Variants in FBXL13 observed in about 807,000 individuals in gnomAD.
FBXL13 encodes F-box and leucine rich repeat protein 13, also known as F-box and leucine-rich repeat protein 13.
In FBXL13, 67 loss-of-function variants were observed where a neutral mutation model predicts 83.6. The ratio of observed to expected loss-of-function variants is 0.80; its 90% CI spans 0.66 to 0.98. The LOEUF (loss-of-function observed/expected upper bound fraction) is 0.98, where lower values mean the gene tolerates loss of function less well. Ranked by LOEUF, FBXL13 falls within the 50% of genes least tolerant of loss-of-function variation. The pLI, the probability that FBXL13 is intolerant of heterozygous loss-of-function variation, is 0.00. For synonymous variants in FBXL13, 272 were observed against 299.5 expected (o/e 0.91, Z 0.95); for missense variants, 822 against 866.5 (o/e 0.95, Z 0.64).
intron 17 of FBXL13, among the ~76,000 whole-genome samples, chr7:102,845,914 T>C (rs181875140): frequency 1.3e-5 from 2 of 152,238 alleles, no homozygotes; most frequent in Non-Finnish European, 2.9e-5. Flanking sequence ...ATCACAGCAT[T>C]ATGACTAAAA....
chr7:102,926,664 G>A (rs1356504359), intron 9 of FBXL13, among the ~76,000 whole-genome samples: 2 of 152,068 alleles, frequency 1.3e-5, no homozygotes, highest in African/African-American at 4.8e-5. Flanking sequence ...TCTGTCACAC[G>A]AAATTTGAGC....
intron 17 of FBXL13, among the ~76,000 whole-genome samples, chr7:102,844,419 A>G (rs1803568972): frequency 6.6e-6 from 1 of 152,212 alleles, no homozygotes; most frequent in South Asian, 2.1e-4. Context: ...ACTTGTAGGT[A>G]GAGTAAAAAC....
chr7:102,826,753 A>ATATATATATATG (rs1562911368), intron 18 of FBXL13, among the ~76,000 whole-genome samples: 51 of 112,248 alleles, frequency 4.5e-4, no homozygotes, highest in South Asian at 1.6e-3. Flanking sequence ...ATATATATAT[A>ATATATATATATG]TATATATATA....
At chr7:102,922,043 A>G (rs1473536296) in intron 10 of FBXL13, among the ~76,000 whole-genome samples, 1 of 152,120 alleles carries the variant, frequency 6.6e-6, no homozygotes, top group Non-Finnish European at 1.5e-5. Context: ...TTCAAAAATC[A>G]GCAGAGTGTG....
At chr7:102,974,049 C>A (rs1012959654) in intron 6 of FBXL13, among the ~76,000 whole-genome samples, 1 of 152,162 alleles carries the variant, frequency 6.6e-6, no homozygotes, top group African/African-American at 2.4e-5. Flanking sequence ...ATGGGAAACT[C>A]CCCATCCTCA....
At chr7:102,931,774 C>T in intron 9 of FBXL13, 107 bp downstream of exon 10, 1 of 1,040,328 alleles carries the variant, frequency 9.6e-7, no homozygotes. Context: ...TGCTCTTTTC[C>T]ACATTGAATC....
chr7:102,825,922 G>T (rs1799546249), intron 18 of FBXL13, among the ~76,000 whole-genome samples: 1 of 152,152 alleles, frequency 6.6e-6, no homozygotes, highest in Non-Finnish European at 1.5e-5. Flanking sequence ...TTGTAGAATG[G>T]TTACCCGAGA....
At chr7:103,009,601 AC>A (rs1330142408) in intron 6 of FBXL13, among the ~76,000 whole-genome samples, 1 of 152,118 alleles carries the variant, frequency 6.6e-6, no homozygotes, top group Non-Finnish European at 1.5e-5. Flanking sequence ...GTGCAAGGGG[AC>A]CTCTACAAGG....
At chr7:102,853,081 C>A (rs1021077451) in intron 17 of FBXL13, among the ~76,000 whole-genome samples, 9 of 152,062 alleles carry the variant, frequency 5.9e-5, no homozygotes, top group African/African-American at 1.4e-4. Flanking sequence ...TAATGGAAAA[C>A]CAAACATTGT....
chr7:102,882,851 A>G (rs1439676335), intron 14 of FBXL13, among the ~76,000 whole-genome samples: 1 of 152,134 alleles, frequency 6.6e-6, no homozygotes, highest in Non-Finnish European at 1.5e-5. Flanking sequence ...TGGCCCAGCT[A>G]AAGAAAGGAT....
chr7:102,838,087 G>T (rs1198730875), intron 17 of FBXL13, among the ~76,000 whole-genome samples: 1 of 152,132 alleles, frequency 6.6e-6, no homozygotes, highest in Non-Finnish European at 1.5e-5. Context: ...CTTCTCACTC[G>T]GTTCAGTAAC....
At chr7:102,999,861 G>A (rs985603586) in intron 6 of FBXL13, among the ~76,000 whole-genome samples, 1 of 151,618 alleles carries the variant, frequency 6.6e-6, no homozygotes, top group African/African-American at 2.4e-5. Context: ...TTATTGTGTT[G>A]ATCATTTGCA....
chr7:102,838,836 G>A (rs571968974), intron 17 of FBXL13, among the ~76,000 whole-genome samples: 1 of 152,190 alleles, frequency 6.6e-6, no homozygotes, highest in Non-Finnish European at 1.5e-5. Context: ...GGAAAGCTGG[G>A]TATTGTCCAA....
At chr7:102,936,120 A>G (rs976931440) in intron 8 of FBXL13, 4 of 151,810 alleles carry the variant, frequency 2.6e-5, no homozygotes, top group Admixed American at 2.0e-4. Context: ...TTGCTTACCA[A>G]GACACCCTGT....
At chr7:103,074,796 C>T (rs1483212637), upstream of FBXL13, 3 of 1,281,912 alleles carry the variant, frequency 2.3e-6, no homozygotes, top group Non-Finnish European at 3.1e-6. Context: ...GGAGAAGCTG[C>T]GATAGTACCC....
chr7:103,060,045 TA>T lies in FBXL13; in HGVS notation c.-104-4299del. On this transcript the variant is annotated intron_variant, in intron 1 of 19. Coordinates refer to ENST00000313221, the Ensembl canonical transcript of FBXL13. ...TTATATATATATATATATATATATA[TA>T]TATATATATATATATATACTTTTTT... 2.0e-5 allele frequency among the ~76,000 whole-genome samples: 2 copies of T among 98,940 alleles called. 1 individual carries two copies. The highest frequency in any genetic ancestry group is 6.2e-4 in the South Asian group (2 of 3,236). The allele number at this position is 98,940 out of a possible 152,430, so 64.9% of individuals were successfully genotyped here.
At chr7:102,975,416 C>A (rs1165223526) in intron 6 of FBXL13, among the ~76,000 whole-genome samples, 1 of 152,188 alleles carries the variant, frequency 6.6e-6, no homozygotes, top group Admixed American at 6.5e-5. Context: ...CATGCTGATA[C>A]AATTCATCAC....
intron 6 of FBXL13, among the ~76,000 whole-genome samples, chr7:103,015,254 C>G (rs993158341): frequency 6.6e-6 from 1 of 152,194 alleles, no homozygotes; most frequent in Non-Finnish European, 1.5e-5. Flanking sequence ...TGGGCAAAAG[C>G]TGAAGGCATT....
intron 10 of FBXL13, among the ~76,000 whole-genome samples, chr7:102,914,315 CA>C (rs1815390180): frequency 1.3e-5 from 2 of 152,190 alleles, no homozygotes; most frequent in African/African-American, 4.8e-5. Context: ...TCAGGTGATC[CA>C]CCCGCCTTGG....
Sources: gnomAD v4.1 joint callset for allele counts (sites outside exome capture counted in the v4.1 genomes callset) on GRCh38, gnomAD v4.1.1 for gene constraint, MANE v1.5 for transcripts, NCBI Gene and HGNC (gene_info 2026-07-23, HGNC 2026-07-21) for gene names.